Variants in PHACTR4 observed in about 807,000 individuals in gnomAD.
The protein encoded by PHACTR4 is protein phosphatase 1, regulatory subunit 124.
PHACTR4 carries 51 observed loss-of-function variants against 72.7 expected under a neutral mutation model. The ratio of observed to expected loss-of-function variants is 0.70; its 90% CI spans 0.56 to 0.89. The LOEUF (loss-of-function observed/expected upper bound fraction) is 0.89, where lower values mean the gene tolerates loss of function less well. PHACTR4 is among the 40% of genes least tolerant of loss of function. The pLI is 0.00. For synonymous variants in PHACTR4, 255 were observed against 302.5 expected (o/e 0.84, Z 1.63); for missense variants, 731 against 861.8 (o/e 0.85, Z 1.90).
At chr1:28,444,618 A>T (rs928585981) in intron 2 of PHACTR4, among the ~76,000 whole-genome samples, 2 of 147,246 alleles carry the variant, frequency 1.4e-5, no homozygotes, top group African/African-American at 5.0e-5. Context: ...TTTTATTTTT[A>T]TTATTATTAT....
intron 1 of PHACTR4, among the ~76,000 whole-genome samples, chr1:28,387,753 A>G (rs1426301451): frequency 2.0e-5 from 3 of 151,002 alleles, no homozygotes; most frequent in Non-Finnish European, 2.9e-5. Flanking sequence ...TTTGAGATAG[A>G]GTCTTGTTCT....
At chr1:28,429,716 G>A (rs1055003099) in intron 2 of PHACTR4, among the ~76,000 whole-genome samples, 15 of 152,330 alleles carry the variant, frequency 9.8e-5, no homozygotes, top group African/African-American at 3.4e-4. Context: ...AGCATTGAGA[G>A]TTTAAGGATA....
chr1:28,471,722 T>A (rs570834920), intron 6 of PHACTR4, among the ~76,000 whole-genome samples: 22 of 152,194 alleles, frequency 1.4e-4, no homozygotes, highest in African/African-American at 4.8e-4. Context: ...ACTGTCATGA[T>A]ACAGGGTGAA....
At chr1:28,459,869 G>A (rs1557829986) in intron 3 of PHACTR4, among the ~76,000 whole-genome samples, 1 of 152,054 alleles carries the variant, frequency 6.6e-6, no homozygotes, top group Non-Finnish European at 1.5e-5. Flanking sequence ...ATCAGAACTT[G>A]GTGAAGAAAA....
chr1:28,483,730 T>G (rs1166865645), intron 9 of PHACTR4, among the ~76,000 whole-genome samples: 5 of 128,190 alleles, frequency 3.9e-5, no homozygotes, highest in African/African-American at 1.5e-4. Context: ...ACCTGGGAGG[T>G]GGAGCTTGCA....
chr1:28,487,727 G>GTTGT lies in PHACTR4; in HGVS notation c.1761-1441_1761-1440insGTTT, dbSNP rs1660774578. Among the ~76,000 whole-genome samples the GTTGT allele has an allele frequency of 2.5e-4, 16 of 63,308 alleles. 1 individual carries two copies. The highest frequency in any genetic ancestry group is 1.1e-3 in the South Asian group (2 of 1,832). 41.5% of individuals were successfully genotyped at this position (63,308 alleles called of 152,430 possible). A position where few individuals can be genotyped will look rare whatever the true frequency, so the allele number is the denominator to read the frequency against. On this transcript the variant is annotated intron_variant, in intron 9 of 13. Transcript: ENST00000373839. ...AAATGACAAATTGTAGTTTTTTGTT[G>GTTGT]TTTTTTTTTTTTTTTTTTTTTTTTT...
chr1:28,408,282 GGGCGCAGT>G (rs148203445), intron 2 of PHACTR4, among the ~76,000 whole-genome samples: 9,171 of 151,930 alleles, frequency 0.06, 391 homozygotes, highest in Middle Eastern at 0.15. Flanking sequence ...GAAAGTGACT[GGGCGCAGT>G]GGCTCATGCC....
chr1:28,438,185 T>C, intron 2 of PHACTR4: 1 of 1,301,754 alleles, frequency 7.7e-7, no homozygotes, highest in Non-Finnish European at 9.8e-7. Context: ...GAAGACAGTT[T>C]TGTAAGAACT....
intron 2 of PHACTR4, among the ~76,000 whole-genome samples, chr1:28,454,490 TC>T (rs1358226245): frequency 6.6e-6 from 1 of 151,814 alleles, no homozygotes; most frequent in East Asian, 1.9e-4. Context: ...GGTCTCGATC[TC>T]CTGACCTCGT....
chr1:28,466,477 TCTC>T lies in PHACTR4; in HGVS notation c.533_535del (p.Ser178_His179delinsTyr). ...TCCTCCCAAAAGACCCTTGTCCTCT[TCTC>T]ATGAAGCAAGTGAAGGGCAAGCAAA... On this transcript the variant is annotated inframe_deletion, in exon 6 of 14. Transcript: ENST00000373839. The T allele has an allele frequency of 6.2e-7, 1 of 1,614,088 alleles. No homozygotes were observed. Among genetic ancestry groups the T allele is most frequent in the Non-Finnish European group, 8.5e-7 (1 of 1,180,016 alleles).
At chr1:28,486,968 G>A (rs1438566392) in intron 9 of PHACTR4, among the ~76,000 whole-genome samples, 1 of 151,996 alleles carries the variant, frequency 6.6e-6, no homozygotes, top group Admixed American at 6.6e-5. Flanking sequence ...TTTGAGACCA[G>A]CCTGGGCAAT....
chr1:28,454,863 T>A (rs766781938), intron 2 of PHACTR4, among the ~76,000 whole-genome samples: 7 of 152,160 alleles, frequency 4.6e-5, no homozygotes, highest in Non-Finnish European at 8.8e-5. Context: ...AACACTCCAA[T>A]TATCCTACCA....
chr1:28,382,479 A>T (rs1213679114), intron 1 of PHACTR4, among the ~76,000 whole-genome samples: 1 of 150,320 alleles, frequency 6.7e-6, no homozygotes, highest in Non-Finnish European at 1.5e-5. Flanking sequence ...AATTTTTTGT[A>T]TGTTTAGTAG....
At chr1:28,438,387 G>A (rs1656769274) in intron 2 of PHACTR4, 3 of 1,612,112 alleles carry the variant, frequency 1.9e-6, no homozygotes, top group Admixed American at 1.7e-5. Flanking sequence ...ATATAATCAT[G>A]GGACAAGCTG....
chr1:28,473,231 G>C (rs909351459), intron 6 of PHACTR4, among the ~76,000 whole-genome samples: 1 of 148,258 alleles, frequency 6.7e-6, no homozygotes. Flanking sequence ...AGCCAAGATC[G>C]CGCCACTGCA....
At position 28,434,115 on chromosome 1, in the gene PHACTR4, G is replaced by T. The variant is rs116274841; in HGVS notation, c.17-24970G>T. ...TCTAAGAGATTAGTTGTAGAGCATG[G>T]ACTTCCTTGGAAAATAAATATTTCT... On this transcript the variant is annotated intron_variant, in intron 2 of 13. Transcript: ENST00000373839. Among the ~76,000 whole-genome samples the T allele has an allele frequency of 3.9e-3, 596 of 152,152 alleles. 3 individuals are homozygous for T. Among genetic ancestry groups the T allele is most frequent in the African/African-American group, 0.014 (572 of 41,514 alleles).
chr1:28,431,874 T>C (rs1011730893), intron 2 of PHACTR4, among the ~76,000 whole-genome samples: 1 of 152,214 alleles, frequency 6.6e-6, no homozygotes, highest in Non-Finnish European at 1.5e-5. Flanking sequence ...AGTTTCTCTG[T>C]TGAGCACTAC....
At chr1:28,402,314 T>A (rs970064812) in intron 1 of PHACTR4, among the ~76,000 whole-genome samples, 2 of 152,190 alleles carry the variant, frequency 1.3e-5, no homozygotes, top group African/African-American at 4.8e-5. Context: ...CTTTAAAACA[T>A]AGTAAGTTTA....
At chr1:28,438,518 C>A in intron 2 of PHACTR4, 1 of 1,426,746 alleles carries the variant, frequency 7.0e-7, no homozygotes, top group Non-Finnish European at 9.7e-7. Flanking sequence ...TGAAGTTAAA[C>A]ACGAGAATGT....
Sources: allele counts gnomAD v4.1 joint callset (sites outside exome capture counted in the v4.1 genomes callset), GRCh38; gene constraint gnomAD v4.1.1; transcripts MANE v1.5; gene names NCBI Gene and HGNC (gene_info 2026-07-23, HGNC 2026-07-21).